ETV6: variants seen among roughly 807,000 people sequenced by gnomAD.
ETV6 encodes the protein transcription factor ETV6.
In ETV6, 16 loss-of-function variants were observed where a neutral mutation model predicts 51.1. The ratio of observed to expected loss-of-function variants is 0.31; its 90% CI spans 0.21 to 0.48. ETV6 has a LOEUF of 0.48. ETV6 is among the 20% of genes least tolerant of loss of function. ETV6 has a pLI of 0.99. For missense variants in ETV6, 458 were observed against 594.8 expected, an observed-to-expected ratio of 0.77 and a Z score of 2.39; for synonymous variants, 240 against 224.1, an observed-to-expected ratio of 1.07 and a Z score of -0.64.
rs1160316012 is a variant in ETV6, at chr12:11,874,422, A to G, written c.1009+4453A>G. The stretch of plus-strand genomic sequence containing the variant: ...TGTATATATATATGTGTGTATATAT[A>G]TACACACACATATATGTATATATAT... On this transcript the variant is annotated intron_variant, in intron 5 of 7. Transcript: ENST00000396373. Among the ~76,000 whole-genome samples the G allele has an allele frequency of 5.2e-5, 2 of 38,520 alleles. 1 individual carries two copies. The allele number at this position is 38,520 out of a possible 152,430, so 25.3% of individuals were successfully genotyped here.
At chr12:11,862,565 T>C (rs1946732454) in intron 4 of ETV6, among the ~76,000 whole-genome samples, 2 of 152,198 alleles carry the variant, frequency 1.3e-5, no homozygotes, top group Admixed American at 6.5e-5. Flanking sequence ...TTTCTGGTGG[T>C]TTGCTGGCAA....
intron 1 of ETV6, among the ~76,000 whole-genome samples, chr12:11,698,742 A>G (rs1864924701): frequency 6.6e-6 from 1 of 152,252 alleles, no homozygotes; most frequent in Non-Finnish European, 1.5e-5. Context: ...GAAATGCCTG[A>G]GATTGAGCTG....
rs542032174 is a variant in ETV6, at chr12:11,713,057, A to C, written c.34-39393A>C. 7.9e-5 allele frequency among the ~76,000 whole-genome samples: 12 copies of C among 152,118 alleles called. 1 individual carries two copies. The highest frequency in any genetic ancestry group is 5.2e-4 in the Admixed American group (8 of 15,260). On this transcript the variant is annotated intron_variant, in intron 1 of 7. Coordinates refer to ENST00000396373, the MANE Select transcript of ETV6 (RefSeq NM_001987.5). ...GGGAGCCACACGTGAAGTGAGAAGA[A>C]GGGAGAATGACCAGGTGGGTGATGA...
intron 2 of ETV6, among the ~76,000 whole-genome samples, chr12:11,835,474 T>C (rs1487289546): frequency 6.6e-6 from 1 of 152,262 alleles, no homozygotes; most frequent in Admixed American, 6.5e-5. Flanking sequence ...TCCCTCATTC[T>C]GCCCATGCAG....
At chr12:11,716,136 G>A (rs964349811) in intron 1 of ETV6, among the ~76,000 whole-genome samples, 1 of 151,902 alleles carries the variant, frequency 6.6e-6, no homozygotes, top group African/African-American at 2.4e-5. Context: ...CGAGGCGGGT[G>A]GATCACGAGG....
chr12:11,829,221 C>T (rs1455931076), intron 2 of ETV6, among the ~76,000 whole-genome samples: 3 of 152,154 alleles, frequency 2.0e-5, no homozygotes, highest in Non-Finnish European at 4.4e-5. Context: ...TCTGGAGACA[C>T]GGGACAAAGT....
intron 5 of ETV6, 78 bp downstream of exon 5, chr12:11,870,047 C>T (rs2136541987): frequency 6.7e-7 from 1 of 1,499,174 alleles, no homozygotes; most frequent in African/African-American, 1.4e-5. Flanking sequence ...ATCTTTGCAG[C>T]CAGCCTCGCA....
At chr12:11,757,006 C>T (rs1297154236) in intron 2 of ETV6, among the ~76,000 whole-genome samples, 1 of 152,056 alleles carries the variant, frequency 6.6e-6, no homozygotes, top group East Asian at 1.9e-4. Flanking sequence ...TTCTAAAATC[C>T]CTGTGAATTA....
At chr12:11,697,190 A>G (rs904479842) in intron 1 of ETV6, among the ~76,000 whole-genome samples, 25 of 152,130 alleles carry the variant, frequency 1.6e-4, no homozygotes, top group African/African-American at 5.8e-4. Context: ...CTTGGCTGAA[A>G]TTTCTTGGGG....
chr12:11,766,135 A>G (rs1220717298), intron 2 of ETV6, among the ~76,000 whole-genome samples: 1 of 152,144 alleles, frequency 6.6e-6, no homozygotes, highest in Non-Finnish European at 1.5e-5. Context: ...TGAACTGTTT[A>G]TCCACACATC....
At chr12:11,695,548 GAGA>G (rs1864860435) in intron 1 of ETV6, among the ~76,000 whole-genome samples, 1 of 152,240 alleles carries the variant, frequency 6.6e-6, no homozygotes, top group Admixed American at 6.5e-5. Flanking sequence ...AGGCTGGAGG[GAGA>G]AGGACTAGTT....
chr12:11,798,547 T>C (rs1336896513), intron 2 of ETV6, among the ~76,000 whole-genome samples: 1 of 152,120 alleles, frequency 6.6e-6, no homozygotes, highest in African/African-American at 2.4e-5. Context: ...GGAATGCTAG[T>C]GTCTAGAAGT....
At position 11,853,455 on chromosome 12, in the gene ETV6, T is replaced by C. The variant is rs750707152; in HGVS notation, c.357T>C (p.His119=). The C allele has an allele frequency of 2.5e-6, 4 of 1,614,234 alleles. No homozygotes were observed. The highest frequency in any genetic ancestry group is 2.2e-5 in the South Asian group (2 of 91,090). Residue 119 remains histidine (H), a synonymous_variant, in exon 4 of 8, where the codon CAT becomes CAC. Coordinates refer to ENST00000396373, the MANE Select transcript of ETV6 (RefSeq NM_001987.5). ...ATGTGCTCTATGAACTCCTTCAGCA[T>C]ATTCTGAAGCAGAGGAAACCTCGGA... The part of the protein sequence containing the change: ...SGDVLYELLQ[H]ILKQRKPRIL...
At chr12:11,821,015 A>G (rs903375896) in intron 2 of ETV6, among the ~76,000 whole-genome samples, 1 of 152,152 alleles carries the variant, frequency 6.6e-6, no homozygotes, top group African/African-American at 2.4e-5. Context: ...AGCTGGATAC[A>G]TTTGGAAGGC....
intron 2 of ETV6, among the ~76,000 whole-genome samples, chr12:11,823,087 C>G (rs1296806052): frequency 6.6e-6 from 1 of 152,162 alleles, no homozygotes; most frequent in African/African-American, 2.4e-5. Flanking sequence ...GAAGTTAGAG[C>G]TGACAGCAAG....
intron 1 of ETV6, among the ~76,000 whole-genome samples, chr12:11,714,974 C>T (rs566614227): frequency 3.6e-4 from 55 of 152,244 alleles, no homozygotes; most frequent in African/African-American, 1.2e-3. Context: ...CCATCACACC[C>T]AGTTTGGAGA....
intron 1 of ETV6, among the ~76,000 whole-genome samples, chr12:11,696,740 C>G (rs566551004): frequency 6.6e-6 from 1 of 152,158 alleles, no homozygotes; most frequent in South Asian, 2.1e-4. Context: ...TGCCTGAACC[C>G]GGGAGATGGA....
At chr12:11,846,748 T>TTCAC (rs1946471696) in intron 3 of ETV6, among the ~76,000 whole-genome samples, 1 of 152,240 alleles carries the variant, frequency 6.6e-6, no homozygotes, top group Admixed American at 6.5e-5. Flanking sequence ...CAGCCATTCA[T>TTCAC]TCACTCACTC....
intron 2 of ETV6, among the ~76,000 whole-genome samples, chr12:11,756,016 C>T (rs1945000670): frequency 6.6e-6 from 1 of 152,178 alleles, no homozygotes; most frequent in South Asian, 2.1e-4. Context: ...CAGAGAGTTT[C>T]TCACCATTTT....
Sources: allele counts gnomAD v4.1 joint callset (sites outside exome capture counted in the v4.1 genomes callset), GRCh38; gene constraint gnomAD v4.1.1; transcripts MANE v1.5; gene names NCBI Gene and HGNC (gene_info 2026-07-23, HGNC 2026-07-21).